The following NRG1 variants were observed in gnomAD, a reference collection of about 807,000 sequenced individuals.
NRG1 encodes the protein neuregulin 1, also known as pro-neuregulin-1, membrane-bound isoform.
Under a neutral mutation model 63.8 loss-of-function variants are expected in NRG1, and 18 were observed. The observed-to-expected ratio is 0.28, with a 90% confidence interval of 0.19 to 0.42. The LOEUF (loss-of-function observed/expected upper bound fraction) is 0.42, where lower values mean the gene tolerates loss of function less well. NRG1 is among the 10% of genes least tolerant of loss of function. The probability of loss-of-function intolerance (pLI) is 1.00; values close to 1 mark genes in which losing one functional copy is unlikely to be tolerated. For missense variants in NRG1, 762 were observed against 814.7 expected (o/e 0.94, Z 0.79); for synonymous variants, 302 against 301.3 (o/e 1.00, Z -0.02).
chr8:32,151,537 T>C (rs1027250977), intron 1 of NRG1, among the ~76,000 whole-genome samples: 5 of 151,992 alleles, frequency 3.3e-5, no homozygotes, highest in African/African-American at 1.2e-4. Flanking sequence ...CAGTGGAAGG[T>C]TTGATTCTGG....
At chr8:31,852,429 G>A (rs532592918) in intron 1 of NRG1, among the ~76,000 whole-genome samples, 12 of 152,290 alleles carry the variant, frequency 7.9e-5, no homozygotes, top group East Asian at 3.9e-4. Context: ...GTCTGTTCAC[G>A]TCCTACGCCC....
chr8:32,612,682 T>C (rs754958327), intron 3 of NRG1, among the ~76,000 whole-genome samples: 5 of 152,096 alleles, frequency 3.3e-5, no homozygotes, highest in Non-Finnish European at 5.9e-5. Flanking sequence ...CTGATTTTTT[T>C]TTCTTCTTGG....
intron 5 of NRG1, among the ~76,000 whole-genome samples, chr8:32,648,649 C>G (rs1854255668): frequency 6.6e-6 from 1 of 152,198 alleles, no homozygotes; most frequent in African/African-American, 2.4e-5. Context: ...TCAGCATCTG[C>G]AAGTCATGCT....
chr8:32,181,569 T>C (rs1015662893), intron 1 of NRG1, among the ~76,000 whole-genome samples: 4 of 152,238 alleles, frequency 2.6e-5, no homozygotes, highest in African/African-American at 9.6e-5. Context: ...CTGAATGTTA[T>C]TTATTCACTT....
intron 1 of NRG1, among the ~76,000 whole-genome samples, chr8:31,650,054 C>T (rs1421079751): frequency 2.0e-5 from 3 of 152,150 alleles, no homozygotes; most frequent in Non-Finnish European, 4.4e-5. Context: ...TCTTGGCTCA[C>T]TGCAGCCTCA....
At chr8:32,158,088 A>C (rs1354235436) in intron 1 of NRG1, among the ~76,000 whole-genome samples, 1 of 152,094 alleles carries the variant, frequency 6.6e-6, no homozygotes, top group Non-Finnish European at 1.5e-5. Context: ...GTAGGATGGA[A>C]GGAGAGATTT....
At chr8:32,388,196 A>G (rs1387528839) in intron 1 of NRG1, among the ~76,000 whole-genome samples, 1 of 152,192 alleles carries the variant, frequency 6.6e-6, no homozygotes, top group African/African-American at 2.4e-5. Context: ...CCTTATAGTA[A>G]GTTGAAGAAC....
chr8:31,692,617 G>A lies in NRG1; in HGVS notation c.37+53186G>A, dbSNP rs184323607. Reference sequence around the variant, plus strand: ...TAACTATAAACTTGCATTTTGACAGGAAGAAGAATAGAAAAGGAAGCAGAA... The same window carrying A: ...TAACTATAAACTTGCATTTTGACAGAAAGAAGAATAGAAAAGGAAGCAGAA... On this transcript the variant is annotated intron_variant, in intron 1 of 10. Coordinates refer to the NRG1 transcript ENST00000519301. Among the ~76,000 whole-genome samples, 12 of 152,324 alleles carry A rather than the reference G, an allele frequency of 7.9e-5. No homozygotes were observed. In the East Asian group the frequency reaches 1.7e-3, roughly 22 times the overall value.
chr8:32,620,432 G>T (rs1030423615), intron 5 of NRG1, among the ~76,000 whole-genome samples: 1 of 150,418 alleles, frequency 6.6e-6, no homozygotes, highest in East Asian at 2.0e-4. Context: ...GAGGCTTTCA[G>T]AGCAAACAGA....
chr8:32,312,330 ATTTTT>A (rs4035492), intron 1 of NRG1, among the ~76,000 whole-genome samples: 27,162 of 88,690 alleles, frequency 0.31, 3,613 homozygotes, highest in South Asian at 0.46. Flanking sequence ...TGCCCAGCTA[ATTTTT>A]TTTTTTTTTT....
chr8:32,163,561 C>G (rs2131936233), intron 1 of NRG1, among the ~76,000 whole-genome samples: 1 of 152,276 alleles, frequency 6.6e-6, no homozygotes, highest in South Asian at 2.1e-4. Context: ...GTTTTATTGT[C>G]TTTTACTTGC....
chr8:32,632,247 C>T (rs779927098), intron 5 of NRG1, among the ~76,000 whole-genome samples: 4 of 152,052 alleles, frequency 2.6e-5, no homozygotes, highest in Admixed American at 6.6e-5. Flanking sequence ...CTTCACTAGA[C>T]GTGCCTTAAT....
At chr8:32,220,720 C>A (rs1563922218) in intron 1 of NRG1, among the ~76,000 whole-genome samples, 1 of 152,182 alleles carries the variant, frequency 6.6e-6, no homozygotes, top group Non-Finnish European at 1.5e-5. Context: ...GCAGTGTTTC[C>A]CTGGAAACCC....
chr8:31,998,177 A>T, intron 1 of NRG1, among the ~76,000 whole-genome samples: 1 of 152,006 alleles, frequency 6.6e-6, no homozygotes, highest in East Asian at 1.9e-4. Context: ...TGAAATGTGT[A>T]TTCTGTTAGA....
chr8:31,994,653 CAAAAAAAAA>C (rs59019886), intron 1 of NRG1, among the ~76,000 whole-genome samples: 1 of 62,334 alleles, frequency 1.6e-5, no homozygotes, highest in African/African-American at 6.1e-5. Flanking sequence ...TACTCTGTCT[CAAAAAAAAA>C]AAAAAAAAAA....
chr8:31,890,477 G>A lies in NRG1; in HGVS notation c.37+251046G>A, dbSNP rs149825969. 2.5e-3 allele frequency among the ~76,000 whole-genome samples: 387 copies of A among 152,266 alleles called. 1 individual carries two copies. The highest frequency in any genetic ancestry group is 4.1e-3 in the Non-Finnish European group (281 of 68,016). On this transcript the variant is annotated intron_variant, in intron 1 of 10. Coordinates refer to the NRG1 transcript ENST00000519301. ...AAAGGGGAAGAGACAAAGAGAATCCGTTTAGGAAGCTAAGTGTCTGTCTAA... is the reference window on the plus strand; with the variant it reads ...AAAGGGGAAGAGACAAAGAGAATCCATTTAGGAAGCTAAGTGTCTGTCTAA...
At chr8:31,975,027 A>T (rs1197111053) in intron 1 of NRG1, among the ~76,000 whole-genome samples, 1 of 152,160 alleles carries the variant, frequency 6.6e-6, no homozygotes. Context: ...AAGCAGGACT[A>T]GGTTCTGGGT....
At chr8:32,091,259 C>T (rs912210970) in intron 1 of NRG1, among the ~76,000 whole-genome samples, 1 of 141,352 alleles carries the variant, frequency 7.1e-6, no homozygotes, top group Non-Finnish European at 1.5e-5. Context: ...GCCTAGGCGA[C>T]AGAGCGAGAC....
intron 4 of NRG1, 138 bp downstream of exon 4, chr8:32,614,702 A>T: frequency 1.3e-6 from 1 of 768,066 alleles, no homozygotes; most frequent in Non-Finnish European, 2.1e-6. Flanking sequence ...ATTTTTCTCA[A>T]CCTTGTTCTG....
Sources: gnomAD v4.1 joint callset for allele counts (sites outside exome capture counted in the v4.1 genomes callset) on GRCh38, gnomAD v4.1.1 for gene constraint, MANE v1.5 for transcripts, NCBI Gene and HGNC (gene_info 2026-07-23, HGNC 2026-07-21) for gene names.